CNTNAP2: variants seen among roughly 807,000 people sequenced by gnomAD.
CNTNAP2 encodes contactin-associated protein-like 2.
In CNTNAP2, 98 loss-of-function variants were observed where a neutral mutation model predicts 155.2. The observed-to-expected ratio is 0.63, with a 90% CI of 0.54 to 0.75. The LOEUF is 0.75. Ranked by LOEUF, CNTNAP2 falls within the 30% of genes least tolerant of loss-of-function variation. CNTNAP2 has a pLI of 0.00. For missense variants in CNTNAP2, 1,727 were observed against 1,688.1 expected (o/e 1.02, Z -0.40); for synonymous variants, 651 against 631.2 (o/e 1.03, Z -0.47).
At chr7:148,259,778 G>C (rs1001623063) in intron 20 of CNTNAP2, among the ~76,000 whole-genome samples, 1 of 152,246 alleles carries the variant, frequency 6.6e-6, no homozygotes, top group Non-Finnish European at 1.5e-5. Context: ...TACCTGAATA[G>C]ACGTTAAAGC....
intron 13 of CNTNAP2, among the ~76,000 whole-genome samples, chr7:147,892,571 T>C (rs528035095): frequency 1.3e-5 from 2 of 152,182 alleles, no homozygotes; most frequent in Non-Finnish European, 2.9e-5. Flanking sequence ...AATTACAAAC[T>C]CCCATATAAT....
intron 16 of CNTNAP2, among the ~76,000 whole-genome samples, chr7:148,137,336 T>C (rs1377558275): frequency 6.6e-6 from 1 of 152,196 alleles, no homozygotes; most frequent in African/African-American, 2.4e-5. Flanking sequence ...TTTATAGAAG[T>C]CTTTCACACT....
chr7:147,314,689 C>CT (rs1795194509), intron 9 of CNTNAP2, among the ~76,000 whole-genome samples: 1 of 150,870 alleles, frequency 6.6e-6, no homozygotes, highest in Admixed American at 6.6e-5. Flanking sequence ...TTCCTATTAT[C>CT]TATGGGCTAT....
At chr7:148,208,016 G>C (rs1047427087) in intron 18 of CNTNAP2, among the ~76,000 whole-genome samples, 3 of 152,006 alleles carry the variant, frequency 2.0e-5, no homozygotes, top group African/African-American at 7.3e-5. Context: ...GTGAACCCGG[G>C]AGGCGGAGCT....
intron 5 of CNTNAP2, among the ~76,000 whole-genome samples, chr7:147,113,209 A>G (rs1174473697): frequency 6.6e-6 from 1 of 152,132 alleles, no homozygotes; most frequent in Non-Finnish European, 1.5e-5. Context: ...GGTACAGAGA[A>G]TACTATAAAA....
chr7:147,883,482 A>C (rs1799555671), intron 13 of CNTNAP2, among the ~76,000 whole-genome samples: 1 of 152,230 alleles, frequency 6.6e-6, no homozygotes, highest in South Asian at 2.1e-4. Flanking sequence ...GGCTGTTTGA[A>C]AGATAAGCCC....
At position 147,018,305 on chromosome 7, in the gene CNTNAP2, C is replaced by A. The variant is rs1280529575; in HGVS notation, c.403-25602C>A. Among the ~76,000 whole-genome samples the A allele has an allele frequency of 3.3e-5, 5 of 151,994 alleles. No homozygotes were observed. In the East Asian group the frequency reaches 9.6e-4, roughly 29 times the overall value. ...CCAATTTCTTTCTTGAAAACTGAAA[C>A]ATAGTGAAGAAGAATATTTACCTAA... On this transcript the variant is annotated intron_variant, in intron 3 of 23. Coordinates refer to ENST00000361727, the MANE Select transcript of CNTNAP2 (RefSeq NM_014141.6).
At chr7:147,557,618 G>A (rs756624018) in intron 11 of CNTNAP2, among the ~76,000 whole-genome samples, 2 of 152,080 alleles carry the variant, frequency 1.3e-5, no homozygotes, top group East Asian at 1.9e-4. Flanking sequence ...TGCAAAAATT[G>A]TGCAACCCAG....
intron 13 of CNTNAP2, among the ~76,000 whole-genome samples, chr7:147,668,488 C>T (rs1795735761): frequency 6.6e-6 from 1 of 152,188 alleles, no homozygotes; most frequent in African/African-American, 2.4e-5. Flanking sequence ...GTCAGTGCCC[C>T]TGAGAACGTC....
intron 1 of CNTNAP2, among the ~76,000 whole-genome samples, chr7:146,409,261 T>A (rs914346541): frequency 6.6e-6 from 1 of 152,188 alleles, no homozygotes; most frequent in Admixed American, 6.5e-5. Flanking sequence ...GCGAGGCTAA[T>A]AAGATGACAC....
At chr7:147,806,520 T>A (rs750486194) in intron 13 of CNTNAP2, among the ~76,000 whole-genome samples, 3 of 152,054 alleles carry the variant, frequency 2.0e-5, no homozygotes, top group Non-Finnish European at 4.4e-5. Flanking sequence ...AGAATGAAAA[T>A]CAGTATTTCA....
At chr7:148,002,445 A>T (rs1364837023) in intron 15 of CNTNAP2, among the ~76,000 whole-genome samples, 2 of 152,172 alleles carry the variant, frequency 1.3e-5, no homozygotes, top group East Asian at 3.8e-4. Flanking sequence ...AACATTTTTC[A>T]TATAATTTTA....
chr7:148,331,960 G>T (rs1045516259), intron 21 of CNTNAP2, among the ~76,000 whole-genome samples: 7 of 152,140 alleles, frequency 4.6e-5, no homozygotes. Context: ...TCACCATTTT[G>T]ATCACATTTC....
intron 15 of CNTNAP2, among the ~76,000 whole-genome samples, chr7:148,070,834 T>C (rs1228682596): frequency 6.6e-6 from 1 of 152,226 alleles, no homozygotes; most frequent in Non-Finnish European, 1.5e-5. Flanking sequence ...AACTTTGTTA[T>C]ATGGAAAACA....
chr7:146,956,306 G>A (rs1021700558), intron 3 of CNTNAP2, among the ~76,000 whole-genome samples: 2 of 152,108 alleles, frequency 1.3e-5, no homozygotes, highest in East Asian at 3.9e-4. Flanking sequence ...GGTTGCGTAA[G>A]TATCTACAAG....
chr7:147,796,296 G>C (rs1223512659), intron 13 of CNTNAP2, among the ~76,000 whole-genome samples: 1 of 152,092 alleles, frequency 6.6e-6, no homozygotes. Context: ...AAACACAGGA[G>C]ACCCGCTCTA....
intron 22 of CNTNAP2, among the ~76,000 whole-genome samples, chr7:148,397,461 A>G (rs184762016): frequency 6.6e-6 from 1 of 152,350 alleles, no homozygotes; most frequent in South Asian, 2.1e-4. Context: ...AGTAAAACAT[A>G]TAATTCCAGT....
chr7:148,122,946 T>C (rs1175527097), intron 16 of CNTNAP2, among the ~76,000 whole-genome samples: 2 of 152,076 alleles, frequency 1.3e-5, no homozygotes, highest in African/African-American at 2.4e-5. Context: ...GACGGGAAGA[T>C]CCTAGAATGA....
At chr7:148,042,025 G>A (rs1435928869) in intron 15 of CNTNAP2, among the ~76,000 whole-genome samples, 1 of 152,168 alleles carries the variant, frequency 6.6e-6, no homozygotes, top group Non-Finnish European at 1.5e-5. Context: ...TTGGTGCTGG[G>A]AAGATTGAAA....
Sources: allele counts gnomAD v4.1 joint callset (sites outside exome capture counted in the v4.1 genomes callset), GRCh38; gene constraint gnomAD v4.1.1; transcripts MANE v1.5; gene names NCBI Gene and HGNC (gene_info 2026-07-23, HGNC 2026-07-21).